Variants in CNTNAP5 observed in about 807,000 individuals in gnomAD.
The protein encoded by CNTNAP5 is contactin associated protein family member 5.
In CNTNAP5, 72 loss-of-function variants were observed where a neutral mutation model predicts 150.2. The ratio of observed to expected loss-of-function variants is 0.48; its 90% confidence interval spans 0.40 to 0.58. The LOEUF (loss-of-function observed/expected upper bound fraction) is 0.58, where lower values mean the gene tolerates loss of function less well. CNTNAP5 is among the 20% of genes least tolerant of loss of function. The probability of loss-of-function intolerance (pLI) is 0.00; values close to 1 mark genes in which losing one functional copy is unlikely to be tolerated. For missense variants in CNTNAP5, 1,636 were observed against 1,626.2 expected, an observed-to-expected ratio of 1.01 and a Z score of -0.10; for synonymous variants, 672 against 619.8, an observed-to-expected ratio of 1.08 and a Z score of -1.25.
chr2:124,572,004 A>C (rs1001604781), intron 11 of CNTNAP5, among the ~76,000 whole-genome samples: 3 of 152,338 alleles, frequency 2.0e-5, no homozygotes, highest in Admixed American at 6.5e-5. Context: ...AGACTGTGGC[A>C]GTATTGGAAT....
intron 3 of CNTNAP5, among the ~76,000 whole-genome samples, chr2:124,400,095 A>G (rs570339299): frequency 1.4e-5 from 2 of 146,122 alleles, no homozygotes; most frequent in Admixed American, 1.4e-4. Flanking sequence ...TGCACCATGA[A>G]AACATAACAG....
At chr2:124,328,133 T>A (rs1689266010) in intron 3 of CNTNAP5, among the ~76,000 whole-genome samples, 1 of 151,422 alleles carries the variant, frequency 6.6e-6, no homozygotes, top group African/African-American at 2.4e-5. Context: ...ATTCAGGTCC[T>A]ACAACACATT....
chr2:124,771,857 G>T (rs1165942428), intron 16 of CNTNAP5, among the ~76,000 whole-genome samples: 1 of 149,922 alleles, frequency 6.7e-6, no homozygotes, highest in Admixed American at 6.7e-5. Flanking sequence ...ACCACTGCCA[G>T]TGCCATCACT....
chr2:124,471,837 T>A (rs954323110), intron 6 of CNTNAP5, among the ~76,000 whole-genome samples: 1 of 152,118 alleles, frequency 6.6e-6, no homozygotes, highest in Non-Finnish European at 1.5e-5. Flanking sequence ...GGTTTTTGTC[T>A]TTAGTTCTGT....
chr2:124,401,470 A>G lies in CNTNAP5; in HGVS notation c.382-15973A>G, dbSNP rs1458090921. 3.9e-5 allele frequency among the ~76,000 whole-genome samples: 6 copies of G among 152,186 alleles called. No individual in the cohort carries two copies. In the East Asian group the frequency reaches 1.2e-3, roughly 29 times the overall value. ...ATTATCATAGGGATGCTGATAGACT[A>G]CTTATATACAAAAGTTCATAGTGTT... is the stretch of plus-strand genomic sequence containing the variant. On this transcript the variant is annotated intron_variant, in intron 3 of 23. Transcript: ENST00000682447.
At chr2:124,607,878 G>A (rs1677288450) in intron 11 of CNTNAP5, among the ~76,000 whole-genome samples, 4 of 152,134 alleles carry the variant, frequency 2.6e-5, no homozygotes, top group Admixed American at 2.6e-4. Context: ...ATCAGGTTTA[G>A]GCAAACAAAA....
intron 13 of CNTNAP5, among the ~76,000 whole-genome samples, chr2:124,738,192 G>C (rs1680426995): frequency 6.6e-6 from 1 of 152,102 alleles, no homozygotes; most frequent in African/African-American, 2.4e-5. Context: ...TAACACAATA[G>C]AGGTTTCTTT....
chr2:124,163,534 C>T (rs1337099456), intron 1 of CNTNAP5, among the ~76,000 whole-genome samples: 1 of 152,044 alleles, frequency 6.6e-6, no homozygotes, highest in Non-Finnish European at 1.5e-5. Flanking sequence ...TCTCAGGGCT[C>T]CTCATTTTAC....
At chr2:124,194,214 G>A (rs894766158) in intron 1 of CNTNAP5, among the ~76,000 whole-genome samples, 1 of 151,312 alleles carries the variant, frequency 6.6e-6, no homozygotes, top group Non-Finnish European at 1.5e-5. Context: ...CCAACACTTG[G>A]TATACCAGCA....
chr2:124,272,217 T>C (rs1342151970), intron 3 of CNTNAP5, among the ~76,000 whole-genome samples: 1 of 152,200 alleles, frequency 6.6e-6, no homozygotes, highest in African/African-American at 2.4e-5. Context: ...AGCTTATTTC[T>C]GAGATATTTT....
chr2:124,692,472 A>G (rs1241134405), intron 13 of CNTNAP5, among the ~76,000 whole-genome samples: 1 of 152,082 alleles, frequency 6.6e-6, no homozygotes, highest in Non-Finnish European at 1.5e-5. Context: ...TAAGGCACTA[A>G]GTTTGATCAA....
At chr2:124,717,640 A>T (rs1317231559) in intron 13 of CNTNAP5, among the ~76,000 whole-genome samples, 1 of 152,202 alleles carries the variant, frequency 6.6e-6, no homozygotes, top group African/African-American at 2.4e-5. Context: ...GAATTGAACG[A>T]TGCATCACAC....
intron 3 of CNTNAP5, among the ~76,000 whole-genome samples, chr2:124,336,337 T>C (rs1689466567): frequency 6.6e-6 from 1 of 152,134 alleles, no homozygotes; most frequent in African/African-American, 2.4e-5. Flanking sequence ...TGTTATTCAG[T>C]AGCACTCTGT....
intron 7 of CNTNAP5, among the ~76,000 whole-genome samples, chr2:124,495,865 C>G (rs1168801511): frequency 6.6e-6 from 1 of 152,156 alleles, no homozygotes; most frequent in African/African-American, 2.4e-5. Flanking sequence ...CTATTCCCAG[C>G]TTCACTCCTT....
At chr2:124,364,608 G>A (rs913108521) in intron 3 of CNTNAP5, among the ~76,000 whole-genome samples, 2 of 152,040 alleles carry the variant, frequency 1.3e-5, no homozygotes, top group Non-Finnish European at 2.9e-5. Flanking sequence ...AGGTACTCAA[G>A]GAACCCTCAG....
chr2:124,579,589 G>A (rs574658470), intron 11 of CNTNAP5, among the ~76,000 whole-genome samples: 3 of 152,284 alleles, frequency 2.0e-5, no homozygotes, highest in Admixed American at 6.5e-5. Flanking sequence ...ATTATCCCCC[G>A]ATAGTCATAA....
intron 13 of CNTNAP5, among the ~76,000 whole-genome samples, chr2:124,695,894 G>T (rs940772781): frequency 1.3e-5 from 2 of 152,130 alleles, no homozygotes; most frequent in African/African-American, 2.4e-5. Context: ...GCTTGTAATT[G>T]TTAAAACAAA....
At chr2:124,492,731 T>C (rs1403785519) in intron 7 of CNTNAP5, among the ~76,000 whole-genome samples, 1 of 152,148 alleles carries the variant, frequency 6.6e-6, no homozygotes, top group African/African-American at 2.4e-5. Flanking sequence ...CCATTTTTGA[T>C]GCTATTGTAA....
chr2:124,912,024 T>C (rs1399391831), intron 23 of CNTNAP5, among the ~76,000 whole-genome samples: 1 of 152,056 alleles, frequency 6.6e-6, no homozygotes, highest in African/African-American at 2.4e-5. Flanking sequence ...ACTGCACATA[T>C]GGTTACAGAT....
Sources: allele counts gnomAD v4.1 joint callset (sites outside exome capture counted in the v4.1 genomes callset), GRCh38; gene constraint gnomAD v4.1.1; transcripts MANE v1.5; gene names NCBI Gene and HGNC (gene_info 2026-07-23, HGNC 2026-07-21).